The following CHAF1A variants were observed in gnomAD, a reference collection of about 807,000 sequenced individuals.
CHAF1A encodes chromatin assembly factor 1 subunit A, also known as CAF-1 subunit A.
Under a neutral mutation model 93.2 loss-of-function variants are expected in CHAF1A, and 5 were observed. The ratio of observed to expected loss-of-function variants is 0.05; its 90% CI spans 0.03 to 0.11. The LOEUF (loss-of-function observed/expected upper bound fraction) is 0.11, where lower values mean the gene tolerates loss of function less well. Among genes scored for constraint, CHAF1A ranks in the 10% least tolerant of loss-of-function variants. The probability of loss-of-function intolerance (pLI) is 1.00; values close to 1 mark genes in which losing one functional copy is unlikely to be tolerated. For missense variants in CHAF1A, 1,102 were observed against 1,259.9 expected, an observed-to-expected ratio of 0.87 and a Z score of 1.90; for synonymous variants, 504 against 510.3, an observed-to-expected ratio of 0.99 and a Z score of 0.17.
rs755440282 is a variant in CHAF1A, at chr19:4,409,687, C to T, written c.888C>T (p.Pro296=). Residue 296 remains proline, a synonymous_variant, in exon 3 of 15, where the codon CCC becomes CCT. Coordinates refer to ENST00000301280, the MANE Select transcript of CHAF1A (RefSeq NM_005483.3). ...GCTCTCCCTCTTCCACCAGCTCGCC[C>T]GAGGGGCCGCCTGCTCCCCCAAAGC... ...SLSSPSSTSS[P]EGPPAPPKQH... is the part of the protein sequence containing the mutation. The T allele has an allele frequency of 5.1e-5, 83 of 1,614,010 alleles. No homozygotes were observed. The highest frequency in any genetic ancestry group is 1.6e-4 in the Middle Eastern group (1 of 6,084).
chr19:4,411,173 C>T (rs555515457), intron 3 of CHAF1A, among the ~76,000 whole-genome samples: 3 of 152,110 alleles, frequency 2.0e-5, no homozygotes, highest in Non-Finnish European at 4.4e-5. Context: ...CAGTAGACCA[C>T]CTGGACCATA....
intron 4 of CHAF1A, among the ~76,000 whole-genome samples, chr19:4,418,438 C>CA (rs1452674105): frequency 5.0e-5 from 6 of 118,992 alleles, no homozygotes; most frequent in Non-Finnish European, 8.2e-5. Context: ...TTTTTTGAGA[C>CA]AGAGTCTCGC....
At chr19:4,429,964 C>A in intron 10 of CHAF1A, 176 bp downstream of exon 10, 2 of 599,882 alleles carry the variant, frequency 3.3e-6, no homozygotes, top group South Asian at 4.0e-5. Flanking sequence ...CAGCTTCTCT[C>A]GAAAAATCTC....
At chr19:4,419,532 C>T (rs1340797741) in intron 4 of CHAF1A, among the ~76,000 whole-genome samples, 1 of 151,960 alleles carries the variant, frequency 6.6e-6, no homozygotes, top group Non-Finnish European at 1.5e-5. Flanking sequence ...CGGGTTCAAG[C>T]GATTCTCCTG....
chr19:4,412,982 C>T (rs1973833812), intron 3 of CHAF1A, among the ~76,000 whole-genome samples: 2 of 152,212 alleles, frequency 1.3e-5, no homozygotes, highest in South Asian at 4.1e-4. Flanking sequence ...GACTCCATCC[C>T]CAACCCCTAC....
At position 4,405,920 on chromosome 19, in the gene CHAF1A, T is replaced by C; in HGVS notation, c.61T>C (p.Cys21Arg). The change falls in exon 2 of 15, where the codon TGC becomes CGC. Residue 21 changes from cysteine to arginine, a missense_variant. Transcript: ENST00000301280. ...GARGAATAMDCKDRPAFPVKK... is the reference protein window; with the variant it reads ...GARGAATAMDRKDRPAFPVKK... The stretch of plus-strand genomic sequence containing the variant: ...GACACTTTTATTTGCAGCCATGGAT[T>C]GCAAAGATAGACCAGCTTTTCCAGT... 1 of 1,613,660 alleles carries C rather than the reference T, an allele frequency of 6.2e-7. No homozygotes were observed.
chr19:4,415,919 A>G (rs997112565), intron 3 of CHAF1A, among the ~76,000 whole-genome samples: 6 of 152,094 alleles, frequency 3.9e-5, no homozygotes, highest in African/African-American at 1.4e-4. Context: ...CACGCCTTTA[A>G]TCCCAGCACT....
At chr19:4,440,916 G>A (rs1055878954) in intron 13 of CHAF1A, among the ~76,000 whole-genome samples, 5 of 151,112 alleles carry the variant, frequency 3.3e-5, no homozygotes, top group East Asian at 1.9e-4. Context: ...TCAGGAGTTC[G>A]AGACCAGCCT....
chr19:4,429,049 C>A, intron 8 of CHAF1A, 159 bp downstream of exon 8: 1 of 617,808 alleles, frequency 1.6e-6, no homozygotes, highest in Non-Finnish European at 2.8e-6. Context: ...CCTCTCTCCA[C>A]CTGGCCTTCC....
At chr19:4,432,925 C>T (rs999004970) in intron 12 of CHAF1A, 145 bp from the exon 13 acceptor site, 13 of 645,700 alleles carry the variant, frequency 2.0e-5, no homozygotes, top group Non-Finnish European at 3.2e-5. Context: ...CTGTCTTACA[C>T]CCGCCCTCAT....
At chr19:4,414,547 T>C (rs374570815) in intron 3 of CHAF1A, among the ~76,000 whole-genome samples, 1 of 152,208 alleles carries the variant, frequency 6.6e-6, no homozygotes, top group Non-Finnish European at 1.5e-5. Context: ...CAGTATCATT[T>C]TGTTTCCTTG....
chr19:4,402,948 C>A lies in CHAF1A; in HGVS notation c.52+134C>A, dbSNP rs1599632700. 4 of 408,212 alleles carry A rather than the reference C, an allele frequency of 9.8e-6. No individual in the cohort carries two copies. In the East Asian group the frequency reaches 1.4e-4, roughly 14 times the overall value. 25.3% of individuals were successfully genotyped at this position (408,212 alleles called of 1,614,324 possible). On this transcript the variant is annotated intron_variant, in intron 1 of 14. Coordinates refer to ENST00000301280, the MANE Select transcript of CHAF1A (RefSeq NM_005483.3). Reference sequence around the variant, plus strand: ...CGGGCCGGGCGTTCACCCCCTGGGGCCTTCTCATCCCCAGCGAGGGCCTGG... The same window carrying A: ...CGGGCCGGGCGTTCACCCCCTGGGGACTTCTCATCCCCAGCGAGGGCCTGG...
downstream of CHAF1A, chr19:4,446,462 C>G (rs753140624): frequency 1.4e-5 from 22 of 1,584,162 alleles, no homozygotes; most frequent in Non-Finnish European, 1.8e-5. Flanking sequence ...TCTTCCACCC[C>G]GCCCCGCCCC....
At chr19:4,415,125 CT>C (rs778299906) in intron 3 of CHAF1A, among the ~76,000 whole-genome samples, 6 of 152,092 alleles carry the variant, frequency 3.9e-5, no homozygotes, top group Admixed American at 2.6e-4. Flanking sequence ...GTTGAGGGTG[CT>C]GTCTGACCGG....
At chr19:4,435,727 C>T (rs1282420940) in intron 13 of CHAF1A, among the ~76,000 whole-genome samples, 1 of 152,190 alleles carries the variant, frequency 6.6e-6, no homozygotes, top group Non-Finnish European at 1.5e-5. Flanking sequence ...CCCTGTGAAC[C>T]TTGGGCTTTC....
At position 4,423,323 on chromosome 19, in the gene CHAF1A, G is replaced by A. The variant is rs1471697450; in HGVS notation, c.1248-12G>A. The stretch of plus-strand genomic sequence containing the variant: ...CAAAGAGTCGGCTGAAATGTCATTT[G>A]CTGTCTCACAGGGCTAAACTTGAGG... On this transcript the variant is annotated splice_polypyrimidine_tract_variant and intron_variant, in intron 5 of 14. Transcript: ENST00000301280. The A allele has an allele frequency of 6.2e-7, 1 of 1,614,016 alleles. No individual in the cohort carries two copies. Among genetic ancestry groups the A allele is most frequent in the South Asian group, 1.1e-5 (1 of 91,062 alleles).
chr19:4,448,317 C>G, downstream of CHAF1A: 1 of 1,604,044 alleles, frequency 6.2e-7, no homozygotes, highest in Non-Finnish European at 8.5e-7. Flanking sequence ...CACACGCTCA[C>G]TTGGCAATGG....
At chr19:4,406,626 G>T (rs543412043) in intron 2 of CHAF1A, among the ~76,000 whole-genome samples, 88 of 152,110 alleles carry the variant, frequency 5.8e-4, no homozygotes, top group African/African-American at 2.0e-3. Context: ...GTAGAGATGG[G>T]GTTTTACCAT....
rs528742438 is a variant in CHAF1A at position 4,428,795 on chromosome 19, C to G, written c.1509C>G (p.Ser503Arg). The G allele has an allele frequency of 8.7e-6, 14 of 1,614,120 alleles. No individual in the cohort carries two copies. In the Admixed American group the frequency reaches 1.7e-4, roughly 19 times the overall value. Reference sequence around the variant, plus strand: ...TGGACCAGCTCCTCCAGCAGCAGAGCGGCGAGTTCTCCTTCTTGAAAGACC... The same window carrying G: ...TGGACCAGCTCCTCCAGCAGCAGAGGGGCGAGTTCTCCTTCTTGAAAGACC... ...SQLDQLLQQQ[S>R]GEFSFLKDLK... The change falls in exon 8 of 15, where the codon AGC becomes AGG. Residue 503 changes from serine (S) to arginine (R), a missense_variant. Transcript: ENST00000301280.
Sources: allele counts gnomAD v4.1 joint callset (sites outside exome capture counted in the v4.1 genomes callset), GRCh38; gene constraint gnomAD v4.1.1; transcripts MANE v1.5; gene names NCBI Gene and HGNC (gene_info 2026-07-23, HGNC 2026-07-21).